Variants in GLI2 observed in about 807,000 individuals in gnomAD.
GLI2 encodes the protein GLI family zinc finger 2.
GLI2 carries 22 observed loss-of-function variants against 78.9 expected under a neutral mutation model. That is an observed-to-expected ratio of 0.28 (90% CI 0.20 to 0.40). GLI2 has a LOEUF of 0.40. GLI2 is among the 10% of genes least tolerant of loss of function. The pLI is 1.00. For synonymous variants in GLI2, 974 were observed against 963.7 expected (o/e 1.01, Z -0.20); for missense variants, 2,097 against 2,213.2 (o/e 0.95, Z 1.05).
chr2:120,757,061 G>A (rs1051999003), intron 1 of GLI2, among the ~76,000 whole-genome samples: 1 of 152,114 alleles, frequency 6.6e-6, no homozygotes, highest in African/African-American at 2.4e-5. Context: ...ATCTCTAGAA[G>A]TTTGATTGGG....
rs1682414230 is a variant in GLI2 at position 120,737,767 on chromosome 2, G to T, written c.-31+1482G>T. Among the ~76,000 whole-genome samples the T allele has an allele frequency of 6.6e-6, 1 of 152,340 alleles. No homozygotes were observed. Among genetic ancestry groups the T allele is most frequent in the African/African-American group, 2.4e-5 (1 of 41,578 alleles). ...GATGTAGGAGAATTTGAAAGTAAAC[G>T]TTTCCCTCGCAAGCAGCATAAAATA... On this transcript the variant is annotated intron_variant, in intron 1 of 13. Transcript: ENST00000361492. This position sits in a 1 kb window ranked among gnomAD's most constrained non-coding sequence, Gnocchi z 4.3.
intron 2 of GLI2, among the ~76,000 whole-genome samples, chr2:120,812,180 T>C (rs1215098435): frequency 6.6e-6 from 1 of 152,188 alleles, no homozygotes; most frequent in Non-Finnish European, 1.5e-5. Flanking sequence ...CTTCCTCTGC[T>C]GTGGGAGGAG....
At chr2:120,956,848 G>C (rs1681291171) in intron 5 of GLI2, among the ~76,000 whole-genome samples, 2 of 152,104 alleles carry the variant, frequency 1.3e-5, no homozygotes, top group African/African-American at 4.8e-5. Context: ...AGGGTGGGCT[G>C]CTGCCTTGCT....
At position 120,986,274 on chromosome 2, in the gene GLI2, G is replaced by A. The variant is rs373446304; in HGVS notation, c.1906-4G>A. The stretch of plus-strand genomic sequence containing the variant: ...TCTGAGCCTTCTTGCCTCGTCCCCT[G>A]CAGCTGTGTCAGTCCAGCCCCGGGG... On this transcript the variant is annotated splice_polypyrimidine_tract_variant and splice_region_variant and intron_variant, in intron 12 of 13. Coordinates refer to ENST00000361492, the MANE Select transcript of GLI2 (RefSeq NM_001374353.1). The A allele has an allele frequency of 2.5e-6, 4 of 1,612,462 alleles. No individual in the cohort carries two copies. In the African/African-American group the frequency reaches 5.3e-5, roughly 22 times the overall value.
At chr2:120,811,579 G>A (rs11891582) in intron 2 of GLI2, among the ~76,000 whole-genome samples, 2 of 152,226 alleles carry the variant, frequency 1.3e-5, no homozygotes, top group East Asian at 1.9e-4. Context: ...AGGGAGCAGC[G>A]CCTGCTGGAG....
At chr2:120,830,115 C>G (rs933891992) in intron 2 of GLI2, among the ~76,000 whole-genome samples, 7 of 152,158 alleles carry the variant, frequency 4.6e-5, no homozygotes, top group Non-Finnish European at 8.8e-5. Context: ...GGTGGTCTTT[C>G]TAACCGGCCA....
intron 3 of GLI2, among the ~76,000 whole-genome samples, chr2:120,943,990 C>T (rs567595826): frequency 2.0e-5 from 3 of 152,310 alleles, no homozygotes; most frequent in South Asian, 2.1e-4. Flanking sequence ...CTCCTTTCTC[C>T]TCCCCAGCCC....
At chr2:120,939,438 C>G (rs893771647) in intron 3 of GLI2, among the ~76,000 whole-genome samples, 1 of 152,194 alleles carries the variant, frequency 6.6e-6, no homozygotes, top group African/African-American at 2.4e-5. Context: ...CCCCATCCCA[C>G]CATTCTTTGG....
At chr2:120,785,229 G>A (rs1437169481) in intron 1 of GLI2, among the ~76,000 whole-genome samples, 2 of 152,142 alleles carry the variant, frequency 1.3e-5, no homozygotes, top group Non-Finnish European at 2.9e-5. Flanking sequence ...CAGGGCCTGG[G>A]AGAGACTGGA....
At chr2:120,891,926 A>G (rs1677700774) in intron 2 of GLI2, among the ~76,000 whole-genome samples, 1 of 152,170 alleles carries the variant, frequency 6.6e-6, no homozygotes, top group Non-Finnish European at 1.5e-5. Context: ...ACTGCACTCC[A>G]GGTGTGACCA....
At chr2:120,954,140 G>A (rs2104960219) in intron 4 of GLI2, among the ~76,000 whole-genome samples, 1 of 152,314 alleles carries the variant, frequency 6.6e-6, no homozygotes, top group South Asian at 2.1e-4. Context: ...GCTGGCAGGA[G>A]GTCTGAATTC....
At chr2:120,898,827 TG>T (rs1558867429) in intron 2 of GLI2, among the ~76,000 whole-genome samples, 1 of 152,098 alleles carries the variant, frequency 6.6e-6, no homozygotes, top group African/African-American at 2.4e-5. Context: ...AGTTACCAGT[TG>T]GGGTAGCTGG....
intron 9 of GLI2, 93 bp from the exon 10 acceptor site, chr2:120,978,341 G>C (rs1208978755): frequency 7.1e-7 from 1 of 1,410,536 alleles, no homozygotes; most frequent in South Asian, 1.2e-5. Context: ...GGAGGGCTGG[G>C]GGGGTGCCGG....
intron 1 of GLI2, among the ~76,000 whole-genome samples, chr2:120,789,969 T>G (rs567697742): frequency 5.5e-4 from 84 of 152,316 alleles, no homozygotes; most frequent in African/African-American, 1.9e-3. Flanking sequence ...CACCTATGTG[T>G]GCTTGAAGGT....
At chr2:120,747,311 C>G (rs1342657650) in intron 1 of GLI2, among the ~76,000 whole-genome samples, 1 of 152,190 alleles carries the variant, frequency 6.6e-6, no homozygotes, top group Admixed American at 6.5e-5. Flanking sequence ...ACACACAAGC[C>G]ACTTGCAAAA....
At chr2:120,946,488 G>GCTC (rs1269085927) in intron 3 of GLI2, among the ~76,000 whole-genome samples, 1 of 152,184 alleles carries the variant, frequency 6.6e-6, no homozygotes, top group Non-Finnish European at 1.5e-5. Flanking sequence ...CATGCAGCCA[G>GCTC]CTCCTCCTCC....
chr2:120,812,212 G>A (rs913926233), intron 2 of GLI2, among the ~76,000 whole-genome samples: 2 of 152,214 alleles, frequency 1.3e-5, no homozygotes, highest in African/African-American at 4.8e-5. Context: ...CCCGAAGCCA[G>A]CTGCAGGCTG....
intron 2 of GLI2, among the ~76,000 whole-genome samples, chr2:120,887,061 A>T: frequency 6.6e-6 from 1 of 152,136 alleles, no homozygotes; most frequent in East Asian, 1.9e-4. Context: ...TGCCAGTGAC[A>T]CTGTGGGAAG....
At chr2:120,860,411 A>G (rs997398086) in intron 2 of GLI2, among the ~76,000 whole-genome samples, 4 of 152,120 alleles carry the variant, frequency 2.6e-5, no homozygotes, top group Non-Finnish European at 4.4e-5. Flanking sequence ...CAGGCCCCCA[A>G]CACAGGCCCT....
Sources: allele counts gnomAD v4.1 joint callset (sites outside exome capture counted in the v4.1 genomes callset), GRCh38; gene constraint gnomAD v4.1.1; non-coding constraint Gnocchi (gnomAD v3.1); transcripts MANE v1.5; gene names NCBI Gene and HGNC (gene_info 2026-07-23, HGNC 2026-07-21).